Variants in ATP10B observed in about 807,000 individuals in gnomAD.
ATP10B encodes phospholipid-transporting ATPase VB.
ATP10B carries 122 observed loss-of-function variants against 141.2 expected under a neutral mutation model. The ratio of observed to expected loss-of-function variants is 0.86; its 90% CI spans 0.75 to 1.00. ATP10B has a LOEUF of 1.00. ATP10B is among the 50% of genes least tolerant of loss of function. The pLI, the probability that ATP10B is intolerant of heterozygous loss-of-function variation, is 0.00. For synonymous variants in ATP10B, 685 were observed against 692.0 expected (o/e 0.99, Z 0.16); for missense variants, 1,876 against 1,825.3 (o/e 1.03, Z -0.51).
At chr5:160,630,832 C>T (rs550320293) in intron 13 of ATP10B, among the ~76,000 whole-genome samples, 16 of 152,228 alleles carry the variant, frequency 1.1e-4, no homozygotes, top group East Asian at 1.9e-4. Context: ...GACAATAACC[C>T]GAGAGGGAAC....
chr5:160,697,047 T>G (rs963224279), intron 3 of ATP10B, among the ~76,000 whole-genome samples: 1 of 152,218 alleles, frequency 6.6e-6, no homozygotes, highest in African/African-American at 2.4e-5. Flanking sequence ...AAAGCTATAT[T>G]TATTAGAATA....
At chr5:160,851,659 T>C (rs1351548149) in intron 1 of ATP10B, among the ~76,000 whole-genome samples, 2 of 151,846 alleles carry the variant, frequency 1.3e-5, no homozygotes, top group Non-Finnish European at 2.9e-5. Flanking sequence ...GGATATATTA[T>C]TTATCATAAA....
intron 24 of ATP10B, among the ~76,000 whole-genome samples, chr5:160,584,685 T>C (rs1755777291): frequency 6.6e-6 from 1 of 152,248 alleles, no homozygotes; most frequent in Non-Finnish European, 1.5e-5. Flanking sequence ...TACCTACCTA[T>C]TGAATAGCCC....
At chr5:160,682,683 A>G (rs1763478939) in intron 6 of ATP10B, among the ~76,000 whole-genome samples, 1 of 151,870 alleles carries the variant, frequency 6.6e-6, no homozygotes, top group South Asian at 2.1e-4. Context: ...TATTCCATGG[A>G]AAAAAAACAA....
chr5:160,778,599 A>G (rs1770502366), intron 2 of ATP10B, among the ~76,000 whole-genome samples: 1 of 152,232 alleles, frequency 6.6e-6, no homozygotes, highest in Non-Finnish European at 1.5e-5. Flanking sequence ...AGAGAGCATC[A>G]GCTCTGGGCA....
chr5:160,899,607 G>A, the ATP10B span, among the ~76,000 whole-genome samples: 1 of 152,132 alleles, frequency 6.6e-6, no homozygotes, highest in Non-Finnish European at 1.5e-5. Context: ...ATACTTTTCA[G>A]AGAGAGTTCT....
At chr5:160,644,766 A>C (rs1010488231) in intron 8 of ATP10B, among the ~76,000 whole-genome samples, 3 of 152,154 alleles carry the variant, frequency 2.0e-5, no homozygotes, top group Non-Finnish European at 4.4e-5. Context: ...TGTCCCAGGA[A>C]ACTCATGAAT....
At chr5:160,796,187 A>C (rs1230237134) in intron 1 of ATP10B, among the ~76,000 whole-genome samples, 3 of 152,094 alleles carry the variant, frequency 2.0e-5, no homozygotes, top group Admixed American at 2.0e-4. Context: ...TTCACATTCC[A>C]TTCTCCATGG....
At chr5:160,728,402 G>A (rs1057015034) in intron 2 of ATP10B, among the ~76,000 whole-genome samples, 2 of 152,076 alleles carry the variant, frequency 1.3e-5, no homozygotes, top group South Asian at 2.1e-4. Flanking sequence ...CTAACTATAC[G>A]TATGTGATAG....
chr5:160,766,336 G>C (rs1769408991), intron 2 of ATP10B, among the ~76,000 whole-genome samples: 1 of 97,976 alleles, frequency 1.0e-5, no homozygotes, highest in African/African-American at 3.8e-5. Flanking sequence ...TGGATAAAGA[G>C]AACACACACA....
At chr5:160,685,284 G>C (rs1763681359) in intron 6 of ATP10B, 1 of 570,088 alleles carries the variant, frequency 1.8e-6, no homozygotes, top group African/African-American at 1.9e-5. Flanking sequence ...TGCCTTCTTT[G>C]CTGAAAATTT....
In ATP10B at chr5:160,632,083, C is replaced by T. The variant is rs1261766265; in HGVS notation, c.1620+46G>A. On this transcript the variant is annotated intron_variant, in intron 13 of 25. Transcript: ENST00000327245. ...TCACATTCCAGAGCACCCTCCCTCT[C>T]TTCCCACAGAACACTTACAGTTCAA... 1.9e-6 allele frequency: 3 copies of T among 1,540,850 alleles called. No homozygotes were observed. In the African/African-American group the frequency reaches 4.1e-5, roughly 21 times the overall value.
Position 160,612,821 on chromosome 5 carries a change from C to G in ATP10B, c.2758G>C (p.Glu920Gln). 2.5e-6 allele frequency: 4 copies of G among 1,614,126 alleles called. No individual in the cohort carries two copies. The highest frequency in any genetic ancestry group is 3.4e-6 in the Non-Finnish European group (4 of 1,179,996). ...GAATGGGCAATGTTGACCGCTGTCT[C>G]CTGCTTATCTCCAGTCAGGACCCAG... ...QLWVLTGDKQ[E>Q]TAVNIAHSCR... Residue 920 changes from glutamate (E) to glutamine (Q), a missense_variant, in exon 18 of 26, where the codon GAG (glutamate) becomes CAG (glutamine). Transcript: ENST00000327245.
chr5:160,610,884 T>G (rs979766511), intron 18 of ATP10B, among the ~76,000 whole-genome samples: 3 of 152,156 alleles, frequency 2.0e-5, no homozygotes, highest in African/African-American at 7.2e-5. Flanking sequence ...AATTCTGAGG[T>G]CTAGGTCGAT....
rs930577135 is a variant in ATP10B, at chr5:160,717,035, C to G, written c.-330-1G>C. 1.0e-6 allele frequency: 1 copy of G among 985,326 alleles called. No individual in the cohort carries two copies. The allele number at this position is 985,326 out of a possible 1,614,324, so 61.0% of individuals were successfully genotyped here. On this transcript the variant is annotated splice_acceptor_variant, in intron 2 of 25. Transcript: ENST00000327245. LOFTEE classifies it low-confidence loss of function (5UTR_SPLICE). Reference sequence around the variant, plus strand: ...TGTTGATCAGAATAAATTGCAAGTTCTGTAAGCAAGAAAAGAAAATATTGA... The same window carrying G: ...TGTTGATCAGAATAAATTGCAAGTTGTGTAAGCAAGAAAAGAAAATATTGA...
At chr5:160,725,546 T>C (rs918987190) in intron 2 of ATP10B, among the ~76,000 whole-genome samples, 16 of 151,976 alleles carry the variant, frequency 1.1e-4, no homozygotes, top group East Asian at 1.9e-4. Context: ...CCCGGGTTCA[T>C]GCCATTCTCC....
At chr5:160,594,759 C>T (rs1240941113) in intron 22 of ATP10B, among the ~76,000 whole-genome samples, 8 of 151,768 alleles carry the variant, frequency 5.3e-5, no homozygotes, top group African/African-American at 1.9e-4. Context: ...ATAAAACAGA[C>T]TTTAAACCAA....
chr5:160,918,462 C>T, the ATP10B span, among the ~76,000 whole-genome samples: 999 of 152,124 alleles, frequency 6.6e-3, 7 homozygotes, highest in Middle Eastern at 0.031. Flanking sequence ...GAGAGAACAG[C>T]GAGTATAAAA....
At position 160,632,180 on chromosome 5, in the gene ATP10B, A is replaced by G. The variant is rs374618604; in HGVS notation, c.1569T>C (p.Ser523=). 5 of 1,614,086 alleles carry G rather than the reference A, an allele frequency of 3.1e-6. No individual in the cohort carries two copies. The highest frequency in any genetic ancestry group is 1.6e-4 in the Middle Eastern group (1 of 6,084). ...GCTGTGAGCTTTCACGGTGCCCCAT[A>G]GACCTTTGCCGGTAGTGGCCCTGGA... ...VPIQGHYRQR[S]MGHRESSQPP... Residue 523 remains serine (S), a synonymous_variant, in exon 13 of 26, where the codon TCT becomes TCC. Transcript: ENST00000327245.
Sources: gnomAD v4.1 joint callset for allele counts (sites outside exome capture counted in the v4.1 genomes callset) on GRCh38, gnomAD v4.1.1 for gene constraint, MANE v1.5 for transcripts, NCBI Gene and HGNC (gene_info 2026-07-23, HGNC 2026-07-21) for gene names.